The following FREM2 variants were observed in gnomAD, a reference collection of about 807,000 sequenced individuals.
FREM2 encodes FRAS1 related extracellular matrix 2.
FREM2 carries 119 observed loss-of-function variants against 219.9 expected under a neutral mutation model. The observed-to-expected ratio is 0.54, with a 90% CI of 0.47 to 0.63. The LOEUF (loss-of-function observed/expected upper bound fraction) is 0.63, where lower values mean the gene tolerates loss of function less well. Among genes scored for constraint, FREM2 ranks in the 30% least tolerant of loss-of-function variants. FREM2 has a pLI of 0.00. For synonymous variants in FREM2, 1,562 were observed against 1,522.8 expected (o/e 1.03, Z -0.60); for missense variants, 4,030 against 3,993.6 (o/e 1.01, Z -0.25).
chr13:38,832,141 C>A (rs567414858), intron 6 of FREM2, among the ~76,000 whole-genome samples: 2 of 151,658 alleles, frequency 1.3e-5, no homozygotes, highest in Non-Finnish European at 2.9e-5. Context: ...ATGGTGAAAC[C>A]CCGTCTCTAC....
At chr13:38,784,490 A>G in intron 5 of FREM2, 67 bp from the exon 6 acceptor site, 1 of 1,572,016 alleles carries the variant, frequency 6.4e-7, no homozygotes, top group South Asian at 1.1e-5. Context: ...TATGAAAATA[A>G]TTGTGTCTGG....
In FREM2 at chr13:38,697,741, G is replaced by T; in HGVS notation, c.5217G>T (p.Gly1739=). The T allele has an allele frequency of 6.2e-7, 1 of 1,610,704 alleles. No individual in the cohort carries two copies. Among genetic ancestry groups the T allele is most frequent in the South Asian group, 1.1e-5 (1 of 90,996 alleles). The part of the protein sequence containing the change: ...DMKICYVLRE[G]ANATSDMFYF... ...AAATATGCTATGTCTTAAGAGAAGG[G>T]GCTAATGCCACAAGTGATATGTTCT... The change falls in exon 2 of 24, where the codon GGG becomes GGT. Residue 1739 remains glycine, a synonymous_variant. Coordinates refer to ENST00000280481, the MANE Select transcript of FREM2 (RefSeq NM_207361.6).
At chr13:38,866,504 T>A (rs1219182399) in intron 16 of FREM2, among the ~76,000 whole-genome samples, 1 of 133,242 alleles carries the variant, frequency 7.5e-6, no homozygotes, top group Non-Finnish European at 1.6e-5. Flanking sequence ...TCAAAAAAAA[T>A]AAAATAAAAT....
chr13:38,758,315 C>T (rs1390541216), intron 2 of FREM2, among the ~76,000 whole-genome samples: 3 of 152,168 alleles, frequency 2.0e-5, no homozygotes, highest in Non-Finnish European at 4.4e-5. Context: ...CCTAATCTTC[C>T]AGGAACGCCT....
At chr13:38,721,714 A>G (rs1367912271) in intron 2 of FREM2, among the ~76,000 whole-genome samples, 2 of 152,214 alleles carry the variant, frequency 1.3e-5, no homozygotes, top group Non-Finnish European at 2.9e-5. Context: ...ATCCAGTTCA[A>G]TGAAATTTGC....
chr13:38,812,237 T>C (rs1447975789), intron 6 of FREM2, among the ~76,000 whole-genome samples: 1 of 152,136 alleles, frequency 6.6e-6, no homozygotes, highest in African/African-American at 2.4e-5. Flanking sequence ...AGTCTTGTTT[T>C]TTCGTCCATT....
chr13:38,768,225 T>C lies in FREM2; in HGVS notation c.5411-1353T>C, dbSNP rs190246842. On this transcript the variant is annotated intron_variant, in intron 3 of 23. Transcript: ENST00000280481. Reference sequence around the variant, plus strand: ...TCTTCCAAATAACTTATTTTCAAGATTTAAAAAATCTATCACAAGACTTTA... The same window carrying C: ...TCTTCCAAATAACTTATTTTCAAGACTTAAAAAATCTATCACAAGACTTTA... 3.0e-3 allele frequency among the ~76,000 whole-genome samples: 459 copies of C among 152,354 alleles called. 9 individuals are homozygous for C. The highest frequency in any genetic ancestry group is 0.029 in the Admixed American group (436 of 15,296).
intron 2 of FREM2, among the ~76,000 whole-genome samples, chr13:38,706,469 C>T (rs188205271): frequency 1.3e-5 from 2 of 152,226 alleles, no homozygotes; most frequent in African/African-American, 4.8e-5. Context: ...AATTTAGGCA[C>T]TGAGAAGAGC....
Position 38,691,112 on chromosome 13 carries a change from G to T in FREM2, c.3768G>T (p.Gln1256His). Residue 1256 changes from glutamine to histidine, a missense_variant, in exon 1 of 24, where the codon CAG (glutamine) becomes CAT (histidine). This residue lies in a region of FREM2 where 3,102 missense variants were observed against 2,950.7 expected (regional missense o/e 1.05). Coordinates refer to ENST00000280481, the MANE Select transcript of FREM2 (RefSeq NM_207361.6). ...TGGTCGAAAGCTTCACCTTGGATCA[G>T]ATCATAGAGAGTTCCAGCATTATTT... ...TVLVESFTLDQIIESSSIIYE... is the reference protein window; with the variant it reads ...TVLVESFTLDHIIESSSIIYE... The T allele has an allele frequency of 6.2e-7, 1 of 1,614,116 alleles. No homozygotes were observed. The highest frequency in any genetic ancestry group is 2.2e-5 in the East Asian group (1 of 44,868).
chr13:38,801,731 C>A (rs1250521258), intron 6 of FREM2, among the ~76,000 whole-genome samples: 1 of 152,058 alleles, frequency 6.6e-6, no homozygotes, highest in Non-Finnish European at 1.5e-5. Flanking sequence ...GCAGTGGTAA[C>A]CTAAGCATGC....
rs546987961 is a variant in FREM2, at chr13:38,858,170, T to C, written c.7215+137T>C. ...CATGGTTTAAGCCTTGAGCTTTGCA[T>C]ATATAACACTAATCAAATAAAGCTC... On this transcript the variant is annotated intron_variant, in intron 13 of 23. Transcript: ENST00000280481. 35 of 751,300 alleles carry C rather than the reference T, an allele frequency of 4.7e-5. 1 individual carries two copies. In the South Asian group the frequency reaches 5.7e-4, roughly 12 times the overall value. The allele number at this position is 751,300 out of a possible 1,614,324, so 46.5% of individuals were successfully genotyped here.
At chr13:38,742,309 T>C (rs1321471057) in intron 2 of FREM2, among the ~76,000 whole-genome samples, 1 of 152,238 alleles carries the variant, frequency 6.6e-6, no homozygotes, top group Non-Finnish European at 1.5e-5. Flanking sequence ...CAGAATTCCC[T>C]AATTTATATG....
At position 38,858,710 on chromosome 13, in the gene FREM2, G is replaced by C. The variant is rs540283028; in HGVS notation, c.7216-577G>C. Among the ~76,000 whole-genome samples, 17 of 152,230 alleles carry C rather than the reference G, an allele frequency of 1.1e-4. No homozygotes were observed. The South Asian group carries it at 3.1e-3, about 28-fold the overall frequency. On this transcript the variant is annotated intron_variant, in intron 13 of 23. Transcript: ENST00000280481. Reference sequence around the variant, plus strand: ...GTCAACAAGGCAGAGATAATTTGGCGTCAAAGTATAGGGAGTTTTAAATGT... The same window carrying C: ...GTCAACAAGGCAGAGATAATTTGGCCTCAAAGTATAGGGAGTTTTAAATGT...
Position 38,688,919 on chromosome 13 carries a change from C to T in FREM2, c.1575C>T (p.Asp525=), listed in dbSNP as rs770296878. The change falls in exon 1 of 24, where the codon GAC becomes GAT. Residue 525 remains aspartate (D), a synonymous_variant. Transcript: ENST00000280481. The part of the protein sequence containing the change: ...GQVVYQHDDR[D]GSLSDNLVLR... ...TGGTCTACCAGCATGATGACAGAGA[C>T]GGCTCGCTGAGCGACAACCTGGTGC... 3.7e-6 allele frequency: 6 copies of T among 1,612,344 alleles called. No homozygotes were observed. Among genetic ancestry groups the T allele is most frequent in the Middle Eastern group, 1.7e-4 (1 of 6,050 alleles).
chr13:38,715,920 A>G (rs1190471805), intron 2 of FREM2, among the ~76,000 whole-genome samples: 2 of 152,188 alleles, frequency 1.3e-5, no homozygotes, highest in Non-Finnish European at 2.9e-5. Flanking sequence ...TTTGTCATAA[A>G]TCATAAAGTG....
At chr13:38,824,751 C>T (rs1359191728) in intron 6 of FREM2, among the ~76,000 whole-genome samples, 4 of 151,898 alleles carry the variant, frequency 2.6e-5, no homozygotes, top group Non-Finnish European at 5.9e-5. Flanking sequence ...TCACAAAATG[C>T]CTATCTACAA....
chr13:38,816,393 T>C (rs1235943404), intron 6 of FREM2, among the ~76,000 whole-genome samples: 1 of 152,168 alleles, frequency 6.6e-6, no homozygotes, highest in African/African-American at 2.4e-5. Context: ...TGTGGTCAAG[T>C]GGAGTTTATT....
chr13:38,866,297 G>C (rs1457263505), intron 16 of FREM2, among the ~76,000 whole-genome samples: 1 of 151,836 alleles, frequency 6.6e-6, no homozygotes, highest in East Asian at 1.9e-4. Flanking sequence ...GAGTCCAAGA[G>C]CAGCCTGACC....
At chr13:38,762,424 A>G (rs1007592645) in intron 2 of FREM2, among the ~76,000 whole-genome samples, 1 of 145,406 alleles carries the variant, frequency 6.9e-6, no homozygotes, top group African/African-American at 2.5e-5. Flanking sequence ...ACAAACTGAC[A>G]CAAAATTCCT....
Sources: allele counts gnomAD v4.1 joint callset (sites outside exome capture counted in the v4.1 genomes callset), GRCh38; gene constraint gnomAD v4.1.1; regional missense constraint gnomAD v4.1.1; transcripts MANE v1.5; gene names NCBI Gene and HGNC (gene_info 2026-07-23, HGNC 2026-07-21).